The following GORAB variants were observed in gnomAD, a reference collection of about 807,000 sequenced individuals.
GORAB encodes the protein RAB6-interacting golgin.
GORAB carries 17 observed loss-of-function variants against 29.9 expected under a neutral mutation model. The observed-to-expected ratio is 0.57, with a 90% CI of 0.39 to 0.85. The LOEUF (loss-of-function observed/expected upper bound fraction) is 0.85, where lower values mean the gene tolerates loss of function less well. Among genes scored for constraint, GORAB ranks in the 40% least tolerant of loss-of-function variants. The probability of loss-of-function intolerance (pLI) is 0.00; values close to 1 mark genes in which losing one functional copy is unlikely to be tolerated. For synonymous variants in GORAB, 183 were observed against 157.2 expected, an observed-to-expected ratio of 1.16 and a Z score of -1.23; for missense variants, 442 against 437.8, an observed-to-expected ratio of 1.01 and a Z score of -0.09.
At chr1:170,535,794 G>A (rs1649024822) in intron 1 of GORAB, among the ~76,000 whole-genome samples, 1 of 151,944 alleles carries the variant, frequency 6.6e-6, no homozygotes, top group African/African-American at 2.4e-5. Context: ...CTGGGTTCAA[G>A]AAATTCTTCC....
chr1:170,539,803 G>A, intron 2 of GORAB: 1 of 519,474 alleles, frequency 1.9e-6, no homozygotes, highest in Non-Finnish European at 3.4e-6. Flanking sequence ...TACAATGCAT[G>A]TTTATTATTT....
rs1390051521 is a variant in GORAB, at chr1:170,552,516, A to G, written c.*54A>G. 2 of 1,400,422 alleles carry G rather than the reference A, an allele frequency of 1.4e-6. No homozygotes were observed. Among genetic ancestry groups the G allele is most frequent in the South Asian group, 2.3e-5 (2 of 86,190 alleles). The allele number at this position is 1,400,422 out of a possible 1,614,324, so 86.7% of individuals were successfully genotyped here. A position where few individuals can be genotyped will look rare whatever the true frequency, so the allele number is the denominator to read the frequency against. On this transcript the variant is annotated 3_prime_UTR_variant, in exon 5 of 5. Coordinates refer to ENST00000367763, the MANE Select transcript of GORAB (RefSeq NM_152281.3). The stretch of plus-strand genomic sequence containing the variant: ...GTATTGAGTAAAGTATACTTTTTGC[A>G]GTAGATCATGCCCTGACCTCCAATA...
At chr1:170,551,042 T>C (rs1650076368) in intron 4 of GORAB, among the ~76,000 whole-genome samples, 1 of 152,190 alleles carries the variant, frequency 6.6e-6, no homozygotes, top group Non-Finnish European at 1.5e-5. Flanking sequence ...CAACAGAGTT[T>C]ATACATGTGT....
intron 3 of GORAB, 37 bp from the exon 4 acceptor site, chr1:170,544,668 T>C: frequency 1.3e-6 from 2 of 1,595,326 alleles, no homozygotes; most frequent in South Asian, 1.1e-5. Flanking sequence ...GGTTTTAAAA[T>C]GTTCTTATTT....
chr1:170,550,614 C>G (rs993644910), intron 4 of GORAB, among the ~76,000 whole-genome samples: 3 of 152,164 alleles, frequency 2.0e-5, no homozygotes, highest in African/African-American at 7.2e-5. Flanking sequence ...CCTGAGTTTT[C>G]TAAAATGAAA....
At chr1:170,536,364 T>C (rs908964286) in intron 1 of GORAB, 1 of 152,110 alleles carries the variant, frequency 6.6e-6, no homozygotes, top group Non-Finnish European at 1.5e-5. Flanking sequence ...AAAGGAAATA[T>C]GAAGAGATGC....
chr1:170,539,065 T>G, intron 1 of GORAB, 145 bp from the exon 2 acceptor site: 1 of 967,594 alleles, frequency 1.0e-6, no homozygotes, highest in Non-Finnish European at 1.5e-6. Context: ...GATGGCTGTT[T>G]TTCCCCTAGA....
chr1:170,546,454 C>A (rs1031432196), intron 4 of GORAB, among the ~76,000 whole-genome samples: 1 of 151,540 alleles, frequency 6.6e-6, no homozygotes, highest in Non-Finnish European at 1.5e-5. Context: ...TGGAGAAAGA[C>A]GCTTTTTCAT....
intron 2 of GORAB, among the ~76,000 whole-genome samples, chr1:170,541,348 TTA>T (rs1649412832): frequency 1.3e-5 from 2 of 152,048 alleles, no homozygotes; most frequent in African/African-American, 4.8e-5. Context: ...ATGCAGCAAG[TTA>T]CCATGAAGCT....
intron 3 of GORAB, among the ~76,000 whole-genome samples, chr1:170,543,082 T>C (rs146208615): frequency 1.9e-3 from 290 of 152,320 alleles, no homozygotes; most frequent in Admixed American, 3.3e-3. Context: ...ATACATGATA[T>C]AGTTTAACTT....
chr1:170,538,119 A>T (rs1649168846), intron 1 of GORAB, among the ~76,000 whole-genome samples: 1 of 152,206 alleles, frequency 6.6e-6, no homozygotes, highest in Non-Finnish European at 1.5e-5. Context: ...CACCAACTTC[A>T]TGCATTAAGT....
chr1:170,548,926 T>C (rs1649920940), intron 4 of GORAB, among the ~76,000 whole-genome samples: 1 of 152,216 alleles, frequency 6.6e-6, no homozygotes, highest in East Asian at 1.9e-4. Flanking sequence ...AATAAGTAAA[T>C]TTTCTCATTA....
At chr1:170,533,708 T>G (rs1026305011) in intron 1 of GORAB, 6 of 364,912 alleles carry the variant, frequency 1.6e-5, no homozygotes, top group Admixed American at 5.5e-5. Flanking sequence ...TATGTAGAAG[T>G]ATATTTTGAA....
chr1:170,551,953 C>T (rs1650137961), intron 4 of GORAB, 62 bp from the exon 5 acceptor site: 3 of 1,413,004 alleles, frequency 2.1e-6, no homozygotes, highest in East Asian at 2.3e-5. Context: ...TTTCTAGATC[C>T]TCTTTTGAAT....
intron 2 of GORAB, 48 bp downstream of exon 2, chr1:170,539,615 T>A: frequency 1.3e-6 from 2 of 1,542,276 alleles, no homozygotes; most frequent in Non-Finnish European, 1.7e-6. Context: ...ATTTAACCCG[T>A]TTTTTCCCAA....
chr1:170,539,582 G>A lies in GORAB; in HGVS notation c.419+15G>A, dbSNP rs754082743. On this transcript the variant is annotated intron_variant, in intron 2 of 4. Coordinates refer to ENST00000367763, the MANE Select transcript of GORAB (RefSeq NM_152281.3). The stretch of plus-strand genomic sequence containing the variant: ...AAAGTGGAATTGTTAGTAAGTCTAT[G>A]TGAAAAGTCCATGAGACTTTTCATT... 1.9e-6 allele frequency: 3 copies of A among 1,613,058 alleles called. No homozygotes were observed. In the South Asian group the frequency reaches 3.3e-5, roughly 18 times the overall value.
At chr1:170,542,096 G>A (rs1383641928) in intron 2 of GORAB, among the ~76,000 whole-genome samples, 1 of 152,102 alleles carries the variant, frequency 6.6e-6, no homozygotes, top group Non-Finnish European at 1.5e-5. Context: ...AACTCTAAAA[G>A]GTATAAATAA....
chr1:170,536,967 G>A (rs1649101328), intron 1 of GORAB, among the ~76,000 whole-genome samples: 1 of 152,168 alleles, frequency 6.6e-6, no homozygotes, highest in African/African-American at 2.4e-5. Flanking sequence ...CTTAAATAAA[G>A]GATATGGAGT....
chr1:170,539,165 TTGC>T lies in GORAB; in HGVS notation c.62-41_62-39del. The T allele has an allele frequency of 1.9e-6, 3 of 1,609,714 alleles. No homozygotes were observed. In the South Asian group the frequency reaches 3.3e-5, roughly 18 times the overall value. Reference sequence around the variant, plus strand: ...ATTTTCTTAGAGGAATTATAATTATTTGCTGCCCACACAAAGGAATTTTCCTCT... The same window carrying T: ...ATTTTCTTAGAGGAATTATAATTATTTGCCCACACAAAGGAATTTTCCTCT... On this transcript the variant is annotated intron_variant, in intron 1 of 4. Transcript: ENST00000367763.
Sources: allele counts gnomAD v4.1 joint callset (sites outside exome capture counted in the v4.1 genomes callset), GRCh38; gene constraint gnomAD v4.1.1; transcripts MANE v1.5; gene names NCBI Gene and HGNC (gene_info 2026-07-23, HGNC 2026-07-21).